Variants in METTL15 observed in about 807,000 individuals in gnomAD.
METTL15 encodes the protein methyltransferase 15, mitochondrial 12S rRNA N4-cytidine.
Under a neutral mutation model 38.3 loss-of-function variants are expected in METTL15, and 34 were observed. That is an observed-to-expected ratio of 0.89 (90% CI 0.68 to 1.18). METTL15 has a LOEUF of 1.18. Among genes scored for constraint, METTL15 ranks in the 50% most tolerant of loss-of-function variants. METTL15 has a pLI of 0.00. For missense variants in METTL15, 438 were observed against 498.4 expected, an observed-to-expected ratio of 0.88 and a Z score of 1.15; for synonymous variants, 162 against 170.9, an observed-to-expected ratio of 0.95 and a Z score of 0.41.
intron 5 of METTL15, among the ~76,000 whole-genome samples, chr11:28,397,646 GT>G (rs1415317164): frequency 1.3e-5 from 2 of 151,186 alleles, no homozygotes; most frequent in Middle Eastern, 3.4e-3. Flanking sequence ...TGGTGGGACT[GT>G]AAACTAGTTC....
intron 6 of METTL15, among the ~76,000 whole-genome samples, chr11:28,471,372 G>A (rs1346914334): frequency 6.6e-6 from 1 of 152,156 alleles, no homozygotes; most frequent in Non-Finnish European, 1.5e-5. Flanking sequence ...GTGGTTCATT[G>A]TGGGACATCT....
chr11:28,204,305 T>C (rs970719479), intron 3 of METTL15, among the ~76,000 whole-genome samples: 1 of 151,986 alleles, frequency 6.6e-6, no homozygotes, highest in Non-Finnish European at 1.5e-5. Context: ...TTGCCTTTTC[T>C]TCCTCTTTCT....
intron 4 of METTL15, among the ~76,000 whole-genome samples, chr11:28,288,710 G>C (rs931041682): frequency 6.6e-6 from 1 of 151,926 alleles, no homozygotes; most frequent in Non-Finnish European, 1.5e-5. Context: ...ATAACTAATG[G>C]ATACTAGGCT....
intron 4 of METTL15, among the ~76,000 whole-genome samples, chr11:28,286,677 A>G (rs1440068507): frequency 6.6e-6 from 1 of 152,092 alleles, no homozygotes; most frequent in Non-Finnish European, 1.5e-5. Context: ...TTCAAACGTG[A>G]GCTGAGGACT....
intron 6 of METTL15, among the ~76,000 whole-genome samples, chr11:28,433,679 A>T (rs936013711): frequency 5.9e-5 from 9 of 152,170 alleles, no homozygotes. Flanking sequence ...CATGGAGCTT[A>T]GACTTTAGTA....
chr11:28,425,173 A>C (rs1850853121), intron 6 of METTL15, among the ~76,000 whole-genome samples: 1 of 152,230 alleles, frequency 6.6e-6, no homozygotes. Flanking sequence ...TTCATGAAGT[A>C]GAAAGAGCAA....
chr11:28,381,412 G>A (rs1262788402), intron 5 of METTL15, among the ~76,000 whole-genome samples: 2 of 152,050 alleles, frequency 1.3e-5, no homozygotes, highest in African/African-American at 4.8e-5. Context: ...TGCAAGTTTT[G>A]TAGTCTTTCT....
chr11:28,120,937 T>C (rs1438811200), intron 3 of METTL15, among the ~76,000 whole-genome samples: 1 of 152,218 alleles, frequency 6.6e-6, no homozygotes, highest in Non-Finnish European at 1.5e-5. Context: ...GCACATGAGC[T>C]GTCTCAACAC....
chr11:28,379,741 G>C (rs1248722560), intron 5 of METTL15, among the ~76,000 whole-genome samples: 1 of 152,108 alleles, frequency 6.6e-6, no homozygotes, highest in Non-Finnish European at 1.5e-5. Context: ...CTAGTGTGTA[G>C]TTTAACTCCA....
chr11:28,310,674 G>A (rs1436365484), intron 6 of METTL15, among the ~76,000 whole-genome samples: 2 of 151,962 alleles, frequency 1.3e-5, no homozygotes, highest in Non-Finnish European at 2.9e-5. Flanking sequence ...GATTTTTGAA[G>A]GCCTATTTTC....
chr11:28,341,508 T>G (rs1314978743), intron 3 of METTL15, among the ~76,000 whole-genome samples: 1 of 152,170 alleles, frequency 6.6e-6, no homozygotes, highest in Non-Finnish European at 1.5e-5. Flanking sequence ...CAGTATTATT[T>G]TGAAAGAGCA....
At chr11:28,324,129 T>C (rs1590324562) in intron 6 of METTL15, among the ~76,000 whole-genome samples, 1 of 152,332 alleles carries the variant, frequency 6.6e-6, no homozygotes, top group East Asian at 1.9e-4. Context: ...ATTTTTCTAT[T>C]TTAAAGTATA....
chr11:28,110,705 A>G (rs1015173254), intron 2 of METTL15, among the ~76,000 whole-genome samples: 2 of 152,226 alleles, frequency 1.3e-5, no homozygotes, highest in African/African-American at 4.8e-5. Flanking sequence ...ATTTTCAAAC[A>G]GGATTTCCCT....
At chr11:28,484,751 G>A (rs765561684) in intron 6 of METTL15, among the ~76,000 whole-genome samples, 4 of 152,058 alleles carry the variant, frequency 2.6e-5, no homozygotes, top group Non-Finnish European at 4.4e-5. Context: ...TTGGGAATGC[G>A]ATCGTTTTGA....
chr11:28,326,258 C>T (rs1849631101), intron 6 of METTL15, among the ~76,000 whole-genome samples: 1 of 151,840 alleles, frequency 6.6e-6, no homozygotes, highest in Admixed American at 6.6e-5. Flanking sequence ...ATTCAGAGTC[C>T]AGCATAAGAG....
chr11:28,123,152 C>T (rs915465875), intron 3 of METTL15, among the ~76,000 whole-genome samples: 10 of 152,122 alleles, frequency 6.6e-5, no homozygotes, highest in Middle Eastern at 3.4e-3. Context: ...AAGGGAGAAA[C>T]GAGTGAGGTT....
chr11:28,276,761 C>G (rs1383602337), intron 4 of METTL15, among the ~76,000 whole-genome samples: 2 of 152,020 alleles, frequency 1.3e-5, no homozygotes, highest in Non-Finnish European at 2.9e-5. Context: ...ATAGAGAACT[C>G]AGAAATAAAG....
intron 3 of METTL15, among the ~76,000 whole-genome samples, chr11:28,185,897 A>G (rs1851476563): frequency 1.3e-5 from 2 of 149,290 alleles, no homozygotes; most frequent in South Asian, 2.1e-4. Context: ...AAATAAATAT[A>G]TAAATATACA....
At chr11:28,474,356 G>T (rs1273233726) in intron 6 of METTL15, among the ~76,000 whole-genome samples, 3 of 151,942 alleles carry the variant, frequency 2.0e-5, no homozygotes, top group Non-Finnish European at 1.5e-5. Context: ...AAGAAATAAT[G>T]ATAATGCCTC....
Sources: gnomAD v4.1 joint callset for allele counts (sites outside exome capture counted in the v4.1 genomes callset) on GRCh38, gnomAD v4.1.1 for gene constraint, MANE v1.5 for transcripts, NCBI Gene and HGNC (gene_info 2026-07-23, HGNC 2026-07-21) for gene names.